DZIP1L: variants seen among roughly 807,000 people sequenced by gnomAD.
The protein encoded by DZIP1L is DAZ interacting zinc finger protein 1 like.
A neutral mutation model predicts 88.7 loss-of-function variants in DZIP1L; 90 were observed. The observed-to-expected ratio is 1.02, with a 90% CI of 0.86 to 1.21. The LOEUF (loss-of-function observed/expected upper bound fraction) is 1.21. DZIP1L is among the 50% of genes most tolerant of loss of function. The pLI is 0.00. For missense variants in DZIP1L, 932 were observed against 955.8 expected, an observed-to-expected ratio of 0.98 and a Z score of 0.33; for synonymous variants, 363 against 372.1, an observed-to-expected ratio of 0.98 and a Z score of 0.28.
intron 12 of DZIP1L, among the ~76,000 whole-genome samples, chr3:138,070,769 T>G (rs114518135): frequency 1.8e-4 from 27 of 152,304 alleles, no homozygotes; most frequent in African/African-American, 5.8e-4. Flanking sequence ...CTGGCCTCCT[T>G]CTGGCCACAT....
intron 1 of DZIP1L, among the ~76,000 whole-genome samples, chr3:138,112,842 G>A (rs1303854871): frequency 6.6e-6 from 1 of 152,134 alleles, no homozygotes; most frequent in African/African-American, 2.4e-5. Context: ...AGCTACTCGG[G>A]AGGCTGAGGC....
In DZIP1L at chr3:138,086,935, CCCCGAGATCA is replaced by C; in HGVS notation, c.1062+16_1062+25del. Reference sequence around the variant, plus strand: ...AGAGGAGGTCACAGGAAACCAAGCTCCCCGAGATCACCCAACAAAAGCTACCTCTTTCTTC... The same window carrying C: ...AGAGGAGGTCACAGGAAACCAAGCTCCCCAACAAAAGCTACCTCTTTCTTC... On this transcript the variant is annotated intron_variant, in intron 7 of 15. Transcript: ENST00000327532. The C allele has an allele frequency of 6.2e-7, 1 of 1,612,904 alleles. No homozygotes were observed. The highest frequency in any genetic ancestry group is 1.1e-5 in the South Asian group (1 of 90,880).
At chr3:138,092,932 T>C (rs571528662) in intron 4 of DZIP1L, among the ~76,000 whole-genome samples, 223 of 152,360 alleles carry the variant, frequency 1.5e-3, no homozygotes, top group African/African-American at 3.9e-3. Flanking sequence ...TCCCTCAAAG[T>C]CATCCACGAT....
At chr3:138,113,010 T>G (rs1460900308) in intron 1 of DZIP1L, among the ~76,000 whole-genome samples, 1 of 152,232 alleles carries the variant, frequency 6.6e-6, no homozygotes, top group African/African-American at 2.4e-5. Flanking sequence ...TTTAATCACC[T>G]TTAGATATAT....
At position 138,088,677 on chromosome 3, in the gene DZIP1L, A is replaced by G. The variant is rs933395303; in HGVS notation, c.871-170T>C. 4 of 1,269,040 alleles carry G rather than the reference A, an allele frequency of 3.2e-6. No homozygotes were observed. The Admixed American group carries it at 1.2e-4, about 37-fold the overall frequency. The allele number at this position is 1,269,040 out of a possible 1,614,324, so 78.6% of individuals were successfully genotyped here. The stretch of plus-strand genomic sequence containing the variant: ...ATTCACACAAATCAGCATTCCCTTC[A>G]CAAGGGCTCTCCTGGGGGCTCAGCC... On this transcript the variant is annotated intron_variant, in intron 5 of 15. Coordinates refer to ENST00000327532, the MANE Select transcript of DZIP1L (RefSeq NM_173543.3).
At chr3:138,098,243 G>A (rs928655952) in intron 2 of DZIP1L, among the ~76,000 whole-genome samples, 4 of 152,226 alleles carry the variant, frequency 2.6e-5, no homozygotes, top group Non-Finnish European at 4.4e-5. Flanking sequence ...GAGGGAAAGT[G>A]GGCAGGGGAA....
In DZIP1L at chr3:138,068,234, G is replaced by C; in HGVS notation, c.1749C>G (p.Ser583Arg). ...TRQSHGSHGS[S>R]LTQVSAPAPR... is the part of the protein sequence containing the mutation. The stretch of plus-strand genomic sequence containing the variant: ...GAGCGGGGGCGGACACCTGGGTCAG[G>C]CTGGAGCCATGGCTGCCATGGCTCT... The change falls in exon 13 of 16, where the codon AGC becomes AGG. Residue 583 changes from serine (S) to arginine (R), a missense_variant. Physicochemically the swap from Ser to Arg is moderately radical, Grantham distance 110. Coordinates refer to ENST00000327532, the MANE Select transcript of DZIP1L (RefSeq NM_173543.3). 6.3e-7 allele frequency: 1 copy of C among 1,596,008 alleles called. No homozygotes were observed. Among genetic ancestry groups the C allele is most frequent in the Non-Finnish European group, 8.5e-7 (1 of 1,170,746 alleles).
chr3:138,093,096 T>C (rs1391286994), intron 4 of DZIP1L, among the ~76,000 whole-genome samples: 1 of 152,236 alleles, frequency 6.6e-6, no homozygotes, highest in Non-Finnish European at 1.5e-5. Context: ...AATCACTATC[T>C]ATGACAGCTA....
intron 12 of DZIP1L, among the ~76,000 whole-genome samples, chr3:138,068,644 G>A (rs1184146302): frequency 6.6e-6 from 1 of 152,094 alleles, no homozygotes; most frequent in African/African-American, 2.4e-5. Flanking sequence ...AGGAGTCCGC[G>A]GGCCTGAAGA....
intron 9 of DZIP1L, among the ~76,000 whole-genome samples, chr3:138,081,347 G>C (rs1294865756): frequency 6.6e-6 from 1 of 152,134 alleles, no homozygotes; most frequent in Non-Finnish European, 1.5e-5. Flanking sequence ...CATTCACATG[G>C]GGTTGGGGTC....
chr3:138,108,960 A>G (rs1038656412), intron 1 of DZIP1L, among the ~76,000 whole-genome samples: 1 of 152,212 alleles, frequency 6.6e-6, no homozygotes, highest in Non-Finnish European at 1.5e-5. Context: ...TTACTGATTT[A>G]GAACCACTAA....
chr3:138,086,223 A>C (rs1206097240), intron 7 of DZIP1L, among the ~76,000 whole-genome samples: 2 of 151,632 alleles, frequency 1.3e-5, no homozygotes, highest in African/African-American at 4.8e-5. Context: ...TAACCTGCAC[A>C]TTGTGCACAT....
intron 5 of DZIP1L, chr3:138,088,991 C>T (rs187210672): frequency 3.9e-4 from 389 of 985,384 alleles, no homozygotes; most frequent in Non-Finnish European, 4.4e-4. Context: ...GATTCCTGGG[C>T]TAGCAGTGTG....
chr3:138,094,356 AC>A (rs1283897646), intron 4 of DZIP1L, among the ~76,000 whole-genome samples: 1 of 152,224 alleles, frequency 6.6e-6, no homozygotes, highest in African/African-American at 2.4e-5. Flanking sequence ...CACAAAACAC[AC>A]AAAAAAAGAA....
At chr3:138,084,348 C>A in intron 7 of DZIP1L, 95 bp from the exon 8 acceptor site, 3 of 1,478,120 alleles carry the variant, frequency 2.0e-6, no homozygotes, top group Non-Finnish European at 2.7e-6. Context: ...AAGTGCCAGG[C>A]AAGCACAGTA....
rs577330479 is a variant in DZIP1L at position 138,090,143 on chromosome 3, A to AAAAT, written c.871-1640_871-1637dup. On this transcript the variant is annotated intron_variant, in intron 5 of 15. Transcript: ENST00000327532. ...CAACAGGGTGAGAACCCATCTTAAA[A>AAAAT]AAATAAATAAATAAATAAATAAATA... Among the ~76,000 whole-genome samples, 407 of 152,068 alleles carry AAAAT rather than the reference A, an allele frequency of 2.7e-3. 3 individuals are homozygous for AAAAT. Among genetic ancestry groups the AAAAT allele is most frequent in the Middle Eastern group, 0.014 (4 of 294 alleles).
At chr3:138,108,114 G>A in intron 1 of DZIP1L, 1 of 758,934 alleles carries the variant, frequency 1.3e-6, no homozygotes, top group Non-Finnish European at 1.6e-6. Flanking sequence ...CTCCCAAGTA[G>A]CTGGGACTAC....
chr3:138,080,080 A>C (rs1196501363), intron 10 of DZIP1L, among the ~76,000 whole-genome samples: 1 of 152,218 alleles, frequency 6.6e-6, no homozygotes, highest in Admixed American at 6.5e-5. Flanking sequence ...GAATAAAAAC[A>C]GCAGGTGCCC....
At chr3:138,112,914 T>A (rs2042641833) in intron 1 of DZIP1L, among the ~76,000 whole-genome samples, 1 of 151,750 alleles carries the variant, frequency 6.6e-6, no homozygotes, top group African/African-American at 2.4e-5. Flanking sequence ...ACCATTGCAC[T>A]CCAGCCTGGG....
Sources: allele counts gnomAD v4.1 joint callset (sites outside exome capture counted in the v4.1 genomes callset), GRCh38; gene constraint gnomAD v4.1.1; transcripts MANE v1.5; gene names NCBI Gene and HGNC (gene_info 2026-07-23, HGNC 2026-07-21).